The following NBEA variants were observed in gnomAD, a reference collection of about 807,000 sequenced individuals.
NBEA encodes the protein lysosomal-trafficking regulator 2.
Under a neutral mutation model 343.4 loss-of-function variants are expected in NBEA, and 44 were observed. The observed-to-expected ratio is 0.13, with a 90% confidence interval of 0.10 to 0.16. NBEA has a LOEUF of 0.16. Ranked by LOEUF, NBEA falls within the 10% of genes least tolerant of loss-of-function variation. NBEA has a pLI of 1.00. For synonymous variants in NBEA, 1,175 were observed against 1,238.7 expected (o/e 0.95, Z 1.08); for missense variants, 2,555 against 3,631.3 (o/e 0.70, Z 7.62).
intron 38 of NBEA, among the ~76,000 whole-genome samples, chr13:35,426,641 G>C (rs191347590): frequency 2.0e-5 from 3 of 151,958 alleles, no homozygotes; most frequent in Non-Finnish European, 4.4e-5. Context: ...TGCTCTTCTC[G>C]AGGAGTATCT....
At chr13:35,507,715 A>G (rs2077124606) in intron 41 of NBEA, among the ~76,000 whole-genome samples, 1 of 152,168 alleles carries the variant, frequency 6.6e-6, no homozygotes, top group Admixed American at 6.6e-5. Flanking sequence ...CCAGAATTTA[A>G]CTTGTCACCA....
chr13:35,371,109 T>C (rs1337893054), intron 38 of NBEA, among the ~76,000 whole-genome samples: 1 of 152,134 alleles, frequency 6.6e-6, no homozygotes, highest in East Asian at 1.9e-4. Flanking sequence ...TTTGAAATTG[T>C]ATCTCTTTAG....
intron 1 of NBEA, among the ~76,000 whole-genome samples, chr13:34,968,555 C>T (rs2059901561): frequency 6.6e-6 from 1 of 152,100 alleles, no homozygotes. Flanking sequence ...ATACGATAGG[C>T]AGCCATTACT....
At chr13:35,394,128 C>A (rs754227892) in intron 38 of NBEA, among the ~76,000 whole-genome samples, 17 of 152,104 alleles carry the variant, frequency 1.1e-4, no homozygotes, top group Non-Finnish European at 2.4e-4. Context: ...AAAGCAGAGA[C>A]TTTATTTAGC....
At chr13:35,330,839 A>G (rs749528860) in intron 36 of NBEA, among the ~76,000 whole-genome samples, 5 of 152,010 alleles carry the variant, frequency 3.3e-5, no homozygotes, top group Non-Finnish European at 5.9e-5. Flanking sequence ...TTATTTTTCC[A>G]TCTTGTTCTA....
At chr13:35,088,328 G>C (rs1490900033) in intron 10 of NBEA, among the ~76,000 whole-genome samples, 1 of 151,936 alleles carries the variant, frequency 6.6e-6, no homozygotes, top group Admixed American at 6.6e-5. Context: ...ACTTTGGACA[G>C]ACGTTATTTA....
At chr13:35,167,854 A>G (rs1379748667) in intron 24 of NBEA, among the ~76,000 whole-genome samples, 1 of 151,834 alleles carries the variant, frequency 6.6e-6, no homozygotes, top group African/African-American at 2.4e-5. Context: ...CAAATTGCAC[A>G]CTTTGTGATT....
chr13:35,277,438 A>G (rs1351751644), intron 34 of NBEA, among the ~76,000 whole-genome samples: 2 of 151,938 alleles, frequency 1.3e-5, no homozygotes, highest in Non-Finnish European at 2.9e-5. Flanking sequence ...CCTGACCAAC[A>G]TGGAGAAACC....
chr13:35,312,747 G>C (rs1394836595), intron 36 of NBEA, among the ~76,000 whole-genome samples: 1 of 152,198 alleles, frequency 6.6e-6, no homozygotes, highest in Admixed American at 6.5e-5. Flanking sequence ...TAATATATTG[G>C]ATGGAAGAGG....
intron 41 of NBEA, among the ~76,000 whole-genome samples, chr13:35,530,187 A>C (rs1301707995): frequency 6.6e-6 from 1 of 152,228 alleles, no homozygotes; most frequent in East Asian, 1.9e-4. Flanking sequence ...TGTAAAAATA[A>C]TATGTAATTG....
At chr13:35,279,408 A>G (rs2034890052) in intron 34 of NBEA, among the ~76,000 whole-genome samples, 2 of 152,220 alleles carry the variant, frequency 1.3e-5, no homozygotes, top group South Asian at 4.1e-4. Flanking sequence ...TTTTCAGTTC[A>G]GAGTTTCTTT....
At chr13:35,633,967 A>T (rs2083585209) in intron 49 of NBEA, among the ~76,000 whole-genome samples, 2 of 152,196 alleles carry the variant, frequency 1.3e-5, no homozygotes, top group South Asian at 4.1e-4. Context: ...GCCTAATTGC[A>T]GCCCACTTAT....
chr13:35,212,337 C>A (rs774085181), intron 33 of NBEA, among the ~76,000 whole-genome samples: 1 of 151,976 alleles, frequency 6.6e-6, no homozygotes, highest in Admixed American at 6.6e-5. Context: ...TTGCATATAA[C>A]GAGTTTATTC....
At chr13:35,478,886 CG>C (rs1467989540) in intron 41 of NBEA, among the ~76,000 whole-genome samples, 2 of 152,208 alleles carry the variant, frequency 1.3e-5, no homozygotes, top group Non-Finnish European at 1.5e-5. Flanking sequence ...CAGGGCTGTT[CG>C]GGGGACCTTA....
chr13:35,155,611 A>G (rs2069117131), intron 18 of NBEA, among the ~76,000 whole-genome samples, 163 bp from the exon 19 acceptor site: 1 of 152,192 alleles, frequency 6.6e-6, no homozygotes, highest in Non-Finnish European at 1.5e-5. Context: ...ACAAGAGTGA[A>G]ACTCCGTCTT....
At chr13:35,431,172 G>A (rs1034408812) in intron 38 of NBEA, among the ~76,000 whole-genome samples, 19 of 151,856 alleles carry the variant, frequency 1.3e-4, no homozygotes, top group African/African-American at 3.1e-4. Context: ...TACTGTGGGC[G>A]AGACATTGTG....
At position 35,356,305 on chromosome 13, in the gene NBEA, A is replaced by T. The variant is rs563890152; in HGVS notation, c.6179+3982A>T. Among the ~76,000 whole-genome samples, 63 of 152,298 alleles carry T rather than the reference A, an allele frequency of 4.1e-4. 1 individual carries two copies. In the South Asian group the frequency reaches 0.013, roughly 31 times the overall value. ...AATCCAGTAACATTTTACATAGAAA[A>T]GTTTATATATTCTAACTGGAGTCAC... On this transcript the variant is annotated intron_variant, in intron 38 of 58. Coordinates refer to ENST00000379939, the MANE Select transcript of NBEA (RefSeq NM_001385012.1).
intron 1 of NBEA, among the ~76,000 whole-genome samples, chr13:34,968,594 A>T (rs191358293): frequency 1.3e-5 from 2 of 152,326 alleles, no homozygotes; most frequent in African/African-American, 4.8e-5. Context: ...CAATGGCCGT[A>T]TAATAAAACT....
At chr13:35,621,241 G>T (rs1050233708) in intron 48 of NBEA, among the ~76,000 whole-genome samples, 6 of 152,142 alleles carry the variant, frequency 3.9e-5, no homozygotes, top group Non-Finnish European at 8.8e-5. Flanking sequence ...CAGAGGTTTT[G>T]TCTTGTTTGT....
Sources: gnomAD v4.1 joint callset for allele counts (sites outside exome capture counted in the v4.1 genomes callset) on GRCh38, gnomAD v4.1.1 for gene constraint, MANE v1.5 for transcripts, NCBI Gene and HGNC (gene_info 2026-07-23, HGNC 2026-07-21) for gene names.